Variants in PPP1R1C observed in about 807,000 individuals in gnomAD.
The protein encoded by PPP1R1C is protein phosphatase 1 regulatory inhibitor subunit 1C, also known as protein phosphatase 1 regulatory subunit 1C.
A neutral mutation model predicts 17.4 loss-of-function variants in PPP1R1C; 15 were observed. The observed-to-expected ratio is 0.86, with a 90% confidence interval of 0.58 to 1.33. The LOEUF (loss-of-function observed/expected upper bound fraction) is 1.33, where lower values mean the gene tolerates loss of function less well. Ranked by LOEUF, PPP1R1C falls within the 40% of genes most tolerant of loss-of-function variation. The pLI is 0.00. For synonymous variants in PPP1R1C, 35 were observed against 43.1 expected (o/e 0.81, Z 0.73); for missense variants, 143 against 130.0 (o/e 1.10, Z -0.48).
chr2:182,020,921 T>C (rs1686402972), intron 2 of PPP1R1C, among the ~76,000 whole-genome samples: 1 of 152,238 alleles, frequency 6.6e-6, no homozygotes, highest in Non-Finnish European at 1.5e-5. Context: ...AAGGTCACTT[T>C]ATCCAAATAC....
At chr2:182,022,205 T>A (rs1686449368) in intron 2 of PPP1R1C, among the ~76,000 whole-genome samples, 1 of 152,218 alleles carries the variant, frequency 6.6e-6, no homozygotes, top group African/African-American at 2.4e-5. Flanking sequence ...TGAAAATTTT[T>A]TGGTTAACAC....
Position 182,064,072 on chromosome 2 carries a change from A to G in PPP1R1C, c.241+281A>G, listed in dbSNP as rs114805779. ...GATTTTTTTTTACCGTTATTCGCAT[A>G]CTTCCTTAAAGAGATTTTCCCAGAA... is the stretch of plus-strand genomic sequence containing the variant. On this transcript the variant is annotated intron_variant, in intron 4 of 4. Coordinates refer to ENST00000682840, the MANE Select transcript of PPP1R1C (RefSeq NM_001080545.3). The G allele has an allele frequency of 3.7e-3, 1,428 of 388,124 alleles. 17 individuals are homozygous for G. Among genetic ancestry groups the G allele is most frequent in the African/African-American group, 0.027 (1,316 of 48,844 alleles). 24.0% of individuals were successfully genotyped at this position (388,124 alleles called of 1,614,324 possible).
Position 181,977,789 on chromosome 2 carries a change from G to A in PPP1R1C, n.157+2525G>A, listed in dbSNP as rs114693268. ...TCCACTATGTTGAGGGCCTCAGTTG[G>A]AACTCTCACAACTGGAGCTGACTCA... On this transcript the variant is annotated intron_variant and non_coding_transcript_variant, in intron 2 of 5. Transcript: ENST00000464264. Among the ~76,000 whole-genome samples the A allele has an allele frequency of 6.4e-3, 975 of 152,208 alleles. 7 individuals are homozygous for A. Among genetic ancestry groups the A allele is most frequent in the African/African-American group, 0.022 (929 of 41,526 alleles).
chr2:181,993,829 A>G (rs1237803698), intron 2 of PPP1R1C, among the ~76,000 whole-genome samples: 1 of 152,084 alleles, frequency 6.6e-6, no homozygotes, highest in Non-Finnish European at 1.5e-5. Context: ...ATGAGGTTCC[A>G]GTTCTTGATA....
chr2:181,968,326 C>A (rs963331582), intron 1 of PPP1R1C, among the ~76,000 whole-genome samples: 1 of 152,114 alleles, frequency 6.6e-6, no homozygotes, highest in Non-Finnish European at 1.5e-5. Context: ...TATTAGCATC[C>A]ATCTCTCTCT....
intron 2 of PPP1R1C, among the ~76,000 whole-genome samples, chr2:182,006,314 T>G (rs1685923490): frequency 2.0e-5 from 3 of 152,218 alleles, no homozygotes; most frequent in Admixed American, 2.0e-4. Context: ...CACTAGAACC[T>G]TTGAAGACTC....
chr2:182,101,157 C>T (rs1003351507), intron 4 of PPP1R1C, among the ~76,000 whole-genome samples: 1 of 152,160 alleles, frequency 6.6e-6, no homozygotes, highest in Non-Finnish European at 1.5e-5. Context: ...CCCTTTATTT[C>T]TGACTACTTC....
intron 2 of PPP1R1C, among the ~76,000 whole-genome samples, chr2:182,035,435 T>G (rs1428661841): frequency 6.6e-6 from 1 of 152,236 alleles, no homozygotes; most frequent in Non-Finnish European, 1.5e-5. Context: ...GCATAATTTG[T>G]TTCTTCATAG....
intron 2 of PPP1R1C, among the ~76,000 whole-genome samples, chr2:182,037,930 T>C (rs1364982601): frequency 6.6e-6 from 1 of 152,174 alleles, no homozygotes; most frequent in Non-Finnish European, 1.5e-5. Flanking sequence ...TATATATCAG[T>C]AAGATATTTG....
intron 2 of PPP1R1C, among the ~76,000 whole-genome samples, chr2:182,010,897 T>G (rs935412288): frequency 6.6e-6 from 1 of 152,136 alleles, no homozygotes; most frequent in African/African-American, 2.4e-5. Context: ...TGTTAGTCCT[T>G]TATTTTATTG....
At position 182,054,295 on chromosome 2, in the gene PPP1R1C, A is replaced by T. The variant is rs541695650; in HGVS notation, c.143-7147A>T. ...ACATTTATAGTACAATAACAAAACC[A>T]TGAAATTGACATGAGTACAATGTGT... On this transcript the variant is annotated intron_variant, in intron 2 of 4. Transcript: ENST00000682840. 1.2e-3 allele frequency among the ~76,000 whole-genome samples: 180 copies of T among 152,338 alleles called. 1 individual carries two copies. The highest frequency in any genetic ancestry group is 4.2e-3 in the African/African-American group (173 of 41,594).
chr2:182,061,950 A>G (rs1303236994), intron 3 of PPP1R1C, among the ~76,000 whole-genome samples: 1 of 152,270 alleles, frequency 6.6e-6, no homozygotes, highest in East Asian at 1.9e-4. Flanking sequence ...AAATGTACTC[A>G]GATTTAAATT....
At chr2:182,024,348 G>A (rs752352436) in intron 2 of PPP1R1C, among the ~76,000 whole-genome samples, 1 of 151,992 alleles carries the variant, frequency 6.6e-6, no homozygotes, top group South Asian at 2.1e-4. Flanking sequence ...AAAATTTAAG[G>A]GTTACAAAAA....
chr2:181,968,247 T>C (rs1033175868), intron 1 of PPP1R1C, among the ~76,000 whole-genome samples: 4 of 152,206 alleles, frequency 2.6e-5, no homozygotes, highest in African/African-American at 7.2e-5. Flanking sequence ...CAAAGTTTCT[T>C]TGTTGATTTT....
At chr2:182,104,913 TTATTACTGACTCAA>T (rs1689200614) in intron 4 of PPP1R1C, among the ~76,000 whole-genome samples, 2 of 152,194 alleles carry the variant, frequency 1.3e-5, no homozygotes, top group Admixed American at 6.5e-5. Context: ...GGGAGACTTT[TTATTACTGACTCAA>T]TTGCCTTACT....
intron 2 of PPP1R1C, among the ~76,000 whole-genome samples, chr2:182,054,877 T>A (rs1574414850): frequency 6.6e-6 from 1 of 151,994 alleles, no homozygotes; most frequent in Admixed American, 6.6e-5. Context: ...GCTAGGCTGG[T>A]CTCGAACTCC....
intron 2 of PPP1R1C, among the ~76,000 whole-genome samples, chr2:182,017,632 T>C (rs1686298490): frequency 6.6e-6 from 1 of 152,170 alleles, no homozygotes; most frequent in African/African-American, 2.4e-5. Flanking sequence ...AACTACATGT[T>C]CTAGGTACTG....
intron 4 of PPP1R1C, among the ~76,000 whole-genome samples, chr2:182,090,034 C>T (rs7586798): frequency 0.018 from 2,689 of 151,816 alleles, 77 homozygotes; most frequent in African/African-American, 0.062. Context: ...AAAGTCTAAC[C>T]AAAAGCAAAT....
intron 2 of PPP1R1C, among the ~76,000 whole-genome samples, chr2:182,027,169 G>T (rs1401545264): frequency 1.9e-4 from 26 of 134,986 alleles, no homozygotes; most frequent in African/African-American, 7.3e-4. Context: ...GGGACAATTT[G>T]ACTTCCTCTT....
Sources: gnomAD v4.1 joint callset for allele counts (sites outside exome capture counted in the v4.1 genomes callset) on GRCh38, gnomAD v4.1.1 for gene constraint, MANE v1.5 for transcripts, NCBI Gene and HGNC (gene_info 2026-07-23, HGNC 2026-07-21) for gene names.